SH3BGRL: variants seen among roughly 807,000 people sequenced by gnomAD.
SH3BGRL encodes the protein adapter SH3BGRL.
SH3BGRL carries 7 observed loss-of-function variants against 9.8 expected under a neutral mutation model. The observed-to-expected ratio is 0.72, with a 90% CI of 0.41 to 1.35. The LOEUF is 1.35. Ranked by LOEUF, SH3BGRL falls within the 40% of genes most tolerant of loss-of-function variation. The probability of loss-of-function intolerance (pLI) is 0.01; values close to 1 mark genes in which losing one functional copy is unlikely to be tolerated. For missense variants in SH3BGRL, 73 were observed against 84.4 expected, an observed-to-expected ratio of 0.86 and a Z score of 0.53; for synonymous variants, 36 against 29.1, an observed-to-expected ratio of 1.24 and a Z score of -0.76.
Position 81,271,244 on chromosome X carries a change from G to T in SH3BGRL, c.46-5740G>T, listed in dbSNP as rs907313027. ...CCCACTCTGCTTTGGCTTGCCCTCT[G>T]TGGGCTGCACCCACTGTCCATCCAG... On this transcript the variant is annotated intron_variant, in intron 1 of 3. Coordinates refer to ENST00000373212, the MANE Select transcript of SH3BGRL (RefSeq NM_003022.3). Among the ~76,000 whole-genome samples the T allele has an allele frequency of 2.7e-5, 3 of 112,057 alleles. No homozygotes were observed. The Admixed American group carries it at 2.8e-4, about 11-fold the overall frequency.
At chrX:81,214,053 G>A (rs1333243727) in intron 1 of SH3BGRL, among the ~76,000 whole-genome samples, 5 of 112,483 alleles carry the variant, frequency 4.4e-5, no homozygotes, top group Non-Finnish European at 9.4e-5. Context: ...CATTTCGGAG[G>A]AGGTGAAAGA....
intron 1 of SH3BGRL, among the ~76,000 whole-genome samples, chrX:81,254,950 G>A (rs760966422): frequency 9.4e-6 from 1 of 106,896 alleles, no homozygotes; most frequent in Admixed American, 9.9e-5. Flanking sequence ...GAGTGCAGTG[G>A]CACGATCTCG....
At chrX:81,276,733 T>A (rs1342097484) in intron 1 of SH3BGRL, among the ~76,000 whole-genome samples, 1 of 110,940 alleles carries the variant, frequency 9.0e-6, no homozygotes, top group Non-Finnish European at 1.9e-5. Context: ...GTTTTGCATG[T>A]ACATCATTAA....
chrX:81,284,468 G>A (rs995194666), intron 3 of SH3BGRL, among the ~76,000 whole-genome samples: 9 of 110,459 alleles, frequency 8.1e-5, no homozygotes, highest in South Asian at 3.8e-4. Context: ...AGACCTGAGC[G>A]GGATTAAAGC....
At chrX:81,271,730 CG>C (rs2075780439) in intron 1 of SH3BGRL, among the ~76,000 whole-genome samples, 1 of 111,176 alleles carries the variant, frequency 9.0e-6, no homozygotes, top group South Asian at 3.8e-4. Flanking sequence ...CATTCAAATT[CG>C]GGAAATACAG....
At chrX:81,285,981 G>A (rs936915588) in intron 3 of SH3BGRL, among the ~76,000 whole-genome samples, 1 of 111,606 alleles carries the variant, frequency 9.0e-6, no homozygotes, top group Non-Finnish European at 1.9e-5. Context: ...GCACTGGAGA[G>A]CTTGATATTG....
At position 81,297,358 on chromosome X, in the gene SH3BGRL, C is replaced by A. The variant is rs2075878799; in HGVS notation, c.*131C>A. On this transcript the variant is annotated 3_prime_UTR_variant, in exon 4 of 4. Coordinates refer to ENST00000373212, the MANE Select transcript of SH3BGRL (RefSeq NM_003022.3). ...AATAGATTAGTTGGGTTTTCACATG[C>A]AAACATTCAAAATGAATACAAAATT... 3 of 485,993 alleles carry A rather than the reference C, an allele frequency of 6.2e-6. No individual in the cohort carries two copies. The highest frequency in any genetic ancestry group is 6.8e-6 in the Non-Finnish European group (2 of 292,154). 40.1% of individuals were successfully genotyped at this position (485,993 alleles called of 1,213,427 possible). A position where few individuals can be genotyped will look rare whatever the true frequency, so the allele number is the denominator to read the frequency against.
chrX:81,211,992 C>T (rs1353097735), intron 1 of SH3BGRL, among the ~76,000 whole-genome samples: 1 of 111,644 alleles, frequency 9.0e-6, no homozygotes, highest in African/African-American at 3.2e-5. Context: ...TGATCTCAGA[C>T]TTTCAGAAAA....
intron 3 of SH3BGRL, among the ~76,000 whole-genome samples, chrX:81,279,503 C>A (rs779386957): frequency 2.1e-4 from 23 of 111,181 alleles, no homozygotes; most frequent in African/African-American, 7.2e-4. Flanking sequence ...ACCCCAAATA[C>A]TGTGAGTGCC....
intron 1 of SH3BGRL, among the ~76,000 whole-genome samples, chrX:81,247,400 G>A (rs974979860): frequency 4.5e-5 from 5 of 111,803 alleles, no homozygotes; most frequent in Non-Finnish European, 9.4e-5. Context: ...CAAGAGAAAT[G>A]CTTCGGGTTT....
At chrX:81,232,654 A>C (rs1007117018) in intron 1 of SH3BGRL, among the ~76,000 whole-genome samples, 1 of 110,868 alleles carries the variant, frequency 9.0e-6, no homozygotes, top group African/African-American at 3.3e-5. Context: ...TCTTTGTGAA[A>C]GCACCAATGA....
chrX:81,293,800 G>C (rs915934020), intron 3 of SH3BGRL, among the ~76,000 whole-genome samples: 1 of 112,226 alleles, frequency 8.9e-6, no homozygotes, highest in East Asian at 2.8e-4. Context: ...GAGACTTATT[G>C]AATGACTTTG....
intron 1 of SH3BGRL, among the ~76,000 whole-genome samples, chrX:81,260,432 C>G (rs2075737703): frequency 9.0e-6 from 1 of 111,523 alleles, no homozygotes; most frequent in African/African-American, 3.3e-5. Flanking sequence ...GAGCTTAGCA[C>G]AGTGCCTGGC....
chrX:81,247,461 T>C (rs1296292905), intron 1 of SH3BGRL, among the ~76,000 whole-genome samples: 1 of 111,746 alleles, frequency 8.9e-6, no homozygotes, highest in East Asian at 2.8e-4. Flanking sequence ...ATGACTCTTT[T>C]TATTTTGAGG....
intron 1 of SH3BGRL, among the ~76,000 whole-genome samples, chrX:81,257,951 A>C (rs2075730425): frequency 9.0e-6 from 1 of 111,231 alleles, no homozygotes; most frequent in Admixed American, 9.6e-5. Flanking sequence ...GTTTAGGGGT[A>C]AAATCCCCAT....
intron 1 of SH3BGRL, among the ~76,000 whole-genome samples, chrX:81,217,447 A>G (rs2075584912): frequency 9.0e-6 from 1 of 110,808 alleles, no homozygotes; most frequent in Non-Finnish European, 1.9e-5. Context: ...GATAGTTTGT[A>G]TCACTATTAT....
intron 1 of SH3BGRL, among the ~76,000 whole-genome samples, chrX:81,260,673 C>T (rs1305695420): frequency 1.8e-5 from 2 of 110,892 alleles, no homozygotes; most frequent in South Asian, 3.8e-4. Context: ...TAGATTCCAT[C>T]ATTAAATTAT....
At chrX:81,266,907 G>T (rs1434642623) in intron 1 of SH3BGRL, among the ~76,000 whole-genome samples, 1 of 111,548 alleles carries the variant, frequency 9.0e-6, no homozygotes, top group Non-Finnish European at 1.9e-5. Context: ...ATATTTACTT[G>T]AAGAGGTCCT....
At chrX:81,295,538 T>G (rs1019453880) in intron 3 of SH3BGRL, among the ~76,000 whole-genome samples, 3 of 111,388 alleles carry the variant, frequency 2.7e-5, no homozygotes, top group African/African-American at 9.8e-5. Context: ...TCGTCTTGGG[T>G]ATGTCTTTAT....
Sources: gnomAD v4.1 joint callset for allele counts (sites outside exome capture counted in the v4.1 genomes callset) on GRCh38, gnomAD v4.1.1 for gene constraint, MANE v1.5 for transcripts, NCBI Gene and HGNC (gene_info 2026-07-23, HGNC 2026-07-21) for gene names.